The following MELTF variants were observed in gnomAD, a reference collection of about 807,000 sequenced individuals.
MELTF encodes the protein melanotransferrin.
Under a neutral mutation model 83.7 loss-of-function variants are expected in MELTF, and 67 were observed. The ratio of observed to expected loss-of-function variants is 0.80; its 90% CI spans 0.66 to 0.98. The LOEUF (loss-of-function observed/expected upper bound fraction) is 0.98, where lower values mean the gene tolerates loss of function less well. MELTF is among the 50% of genes least tolerant of loss of function. The pLI, the probability that MELTF is intolerant of heterozygous loss-of-function variation, is 0.00. For synonymous variants in MELTF, 462 were observed against 447.6 expected, an observed-to-expected ratio of 1.03 and a Z score of -0.41; for missense variants, 1,002 against 1,035.6, an observed-to-expected ratio of 0.97 and a Z score of 0.44.
chr3:197,016,306 C>T lies in MELTF; in HGVS notation c.964G>A (p.Asp322Asn). 2 of 1,612,724 alleles carry T rather than the reference C, an allele frequency of 1.2e-6. No individual in the cohort carries two copies. The highest frequency in any genetic ancestry group is 1.7e-6 in the Non-Finnish European group (2 of 1,179,238). ...MFSSEAYGQKDLLFKDSTSEL... is the reference protein window; with the variant it reads ...MFSSEAYGQKNLLFKDSTSEL... ...GAGGTAGAGTCTTTGAAGAGTAGAT[C>T]CTTCTGGCCATAGGCCTCAGAGCTG... Residue 322 changes from aspartate (D) to asparagine (N), a missense_variant, in exon 8 of 16, where the codon GAT becomes AAT. Physicochemically the swap from Asp to Asn is conservative, Grantham distance 23 (BLOSUM62 1). Transcript: ENST00000296350.
chr3:197,021,693 G>C (rs1719629528), intron 5 of MELTF, among the ~76,000 whole-genome samples: 1 of 152,314 alleles, frequency 6.6e-6, no homozygotes, highest in South Asian at 2.1e-4. Context: ...TGGGAAAGTA[G>C]CTCCCACAGG....
chr3:197,024,450 T>C lies in MELTF; in HGVS notation c.340A>G (p.Arg114Gly). ...TCAATGGTCACATGGGAGCTCCTCC[T>C]GACCACAGCCACGGCGTAATAGGAG... is the stretch of plus-strand genomic sequence containing the variant. ...GTSYYAVAVV[R>G]RSSHVTIDTL... Residue 114 changes from arginine to glycine, a missense_variant, in exon 4 of 16, where the codon AGG (arginine) becomes GGG (glycine). By Grantham distance (125) the Arg-to-Gly change is moderately radical. Coordinates refer to ENST00000296350, the MANE Select transcript of MELTF (RefSeq NM_005929.6). The surrounding 1 kb of genome is among the most constrained non-coding windows in gnomAD (Gnocchi z 5.3). The C allele has an allele frequency of 6.2e-7, 1 of 1,604,222 alleles. No individual in the cohort carries two copies. Among genetic ancestry groups the C allele is most frequent in the Non-Finnish European group, 8.5e-7 (1 of 1,173,348 alleles).
intron 2 of MELTF, chr3:197,027,160 G>A (rs1195264380): frequency 4.4e-6 from 1 of 224,932 alleles, no homozygotes; most frequent in Non-Finnish European, 9.0e-6. Context: ...GCCCTCACAT[G>A]GAGCCTGACC....
At chr3:197,018,059 G>A (rs528897970) in intron 6 of MELTF, among the ~76,000 whole-genome samples, 2 of 152,192 alleles carry the variant, frequency 1.3e-5, no homozygotes, top group South Asian at 2.1e-4. Context: ...TAGAGAGGAC[G>A]GGGGATCTCC....
rs1719750456 is a variant in MELTF at position 197,024,172 on chromosome 3, G to T, written c.487+131C>A. 2.0e-6 allele frequency: 2 copies of T among 1,014,794 alleles called. No homozygotes were observed. Among genetic ancestry groups the T allele is most frequent in the Non-Finnish European group, 2.8e-6 (2 of 709,392 alleles). The allele number at this position is 1,014,794 out of a possible 1,614,324, so 62.9% of individuals were successfully genotyped here. A position where few individuals can be genotyped will look rare whatever the true frequency, so the allele number is the denominator to read the frequency against. ...GCGGGGGAGGCACGGGGCGGGCGGG[G>T]GCTGCTGCGCCTTCCAGGAATGAAG... On this transcript the variant is annotated intron_variant, in intron 4 of 15. Transcript: ENST00000296350. This position sits in a 1 kb window ranked among gnomAD's most constrained non-coding sequence, Gnocchi z 5.3.
chr3:197,019,570 C>T (rs749045947), intron 6 of MELTF: 47 of 1,578,918 alleles, frequency 3.0e-5, no homozygotes, highest in African/African-American at 4.0e-5. Context: ...AGACCCCCAT[C>T]TCAAAAAAAA....
At position 197,006,664 on chromosome 3, in the gene MELTF, C is replaced by T. The variant is rs746548693; in HGVS notation, c.1823G>A (p.Arg608Gln). 41 of 1,600,620 alleles carry T rather than the reference C, an allele frequency of 2.6e-5. No individual in the cohort carries two copies. The highest frequency in any genetic ancestry group is 2.0e-4 in the South Asian group (18 of 88,518). ...GGCTGCAAACTGGGACACCTCGGCT[C>T]GGGCCCCGTTGGGGCACAGCAGTTC... is the stretch of plus-strand genomic sequence containing the variant. Reference protein sequence around the residue: ...DYELLCPNGARAEVSQFAACN... With the variant: ...DYELLCPNGAQAEVSQFAACN... The change falls in exon 14 of 16, where the codon CGA becomes CAA. Residue 608 changes from arginine (R) to glutamine (Q), a missense_variant. Transcript: ENST00000296350. The surrounding 1 kb of genome is among the most constrained non-coding windows in gnomAD (Gnocchi z 5.4).
Position 197,026,767 on chromosome 3 carries a change from G to T in MELTF, c.205-8C>A. ...GGCGTCAGCCTCCTGGGCCTGCAAG[G>T]AAATGTGGCTCAGCCAAGCCTGGCC... On this transcript the variant is annotated splice_polypyrimidine_tract_variant and splice_region_variant and intron_variant, in intron 2 of 15. Coordinates refer to ENST00000296350, the MANE Select transcript of MELTF (RefSeq NM_005929.6). 1 of 1,610,368 alleles carries T rather than the reference G, an allele frequency of 6.2e-7. No individual in the cohort carries two copies. The highest frequency in any genetic ancestry group is 8.5e-7 in the Non-Finnish European group (1 of 1,179,438).
chr3:197,008,570 C>T lies in MELTF; in HGVS notation c.1750+87G>A, dbSNP rs563344343. 7 of 1,443,500 alleles carry T rather than the reference C, an allele frequency of 4.8e-6. No homozygotes were observed. Among genetic ancestry groups the T allele is most frequent in the Admixed American group, 3.7e-5 (2 of 53,852 alleles). The allele number at this position is 1,443,500 out of a possible 1,614,324, so 89.4% of individuals were successfully genotyped here. On this transcript the variant is annotated intron_variant, in intron 13 of 15. Transcript: ENST00000296350. This position sits in a 1 kb window ranked among gnomAD's most constrained non-coding sequence, Gnocchi z 5.4. ...CAGCCTCTCTGAGCTGCTGCTTGGCCCCAGCCCAGCATGGTGTCTGGATGG... is the reference window on the plus strand; with the variant it reads ...CAGCCTCTCTGAGCTGCTGCTTGGCTCCAGCCCAGCATGGTGTCTGGATGG...
intron 9 of MELTF, among the ~76,000 whole-genome samples, chr3:197,012,284 T>C (rs550420754): frequency 2.8e-4 from 42 of 152,262 alleles, no homozygotes; most frequent in African/African-American, 9.1e-4. Context: ...GCTGGTGACT[T>C]TGGGCAAGTT....
Position 197,006,812 on chromosome 3 carries a change from G to A in MELTF, c.1751-76C>T. ...GTGTAAAGAGAAGCTGCTATCCTGG[G>A]ACCCCAAGGCCTTCACCACAGGGAG... On this transcript the variant is annotated intron_variant, in intron 13 of 15. Coordinates refer to ENST00000296350, the MANE Select transcript of MELTF (RefSeq NM_005929.6). This position sits in a 1 kb window ranked among gnomAD's most constrained non-coding sequence, Gnocchi z 5.4. 7.5e-7 allele frequency: 1 copy of A among 1,339,420 alleles called. No homozygotes were observed. Among genetic ancestry groups the A allele is most frequent in the Non-Finnish European group, 9.8e-7 (1 of 1,023,054 alleles). The allele number at this position is 1,339,420 out of a possible 1,614,324, so 83.0% of individuals were successfully genotyped here. A position where few individuals can be genotyped will look rare whatever the true frequency, so the allele number is the denominator to read the frequency against.
chr3:197,021,541 C>T, intron 5 of MELTF, 70 bp from the exon 6 acceptor site: 3 of 1,485,356 alleles, frequency 2.0e-6, no homozygotes, highest in Non-Finnish European at 2.8e-6. Flanking sequence ...CCTCTGGAGG[C>T]CTGGCTTGGG....
At chr3:197,010,623 A>AG (rs1719151514) in intron 10 of MELTF, 75 bp downstream of exon 10, 5 of 1,285,228 alleles carry the variant, frequency 3.9e-6, no homozygotes, top group African/African-American at 2.9e-5. Context: ...AAAATGGCTG[A>AG]GGGGGGCACT....
intron 3 of MELTF, chr3:197,026,379 C>T (rs764754596): frequency 2.0e-4 from 86 of 432,528 alleles, no homozygotes; most frequent in Middle Eastern, 6.2e-4. Context: ...CCCGGCACCA[C>T]GCCAGGCCCG....
At position 197,006,739 on chromosome 3, in the gene MELTF, G is replaced by C. The variant is rs746461071; in HGVS notation, c.1751-3C>G. ...AGCCCAGGGCTCGGAATTGTGGCCT[G>C]AGGGGGGTAAAGCAGTGTGTGTGGG... On this transcript the variant is annotated splice_polypyrimidine_tract_variant and splice_region_variant and intron_variant, in intron 13 of 15. Transcript: ENST00000296350. This position sits in a 1 kb window ranked among gnomAD's most constrained non-coding sequence, Gnocchi z 5.4. 3.3e-6 allele frequency: 5 copies of C among 1,527,234 alleles called. No individual in the cohort carries two copies. Among genetic ancestry groups the C allele is most frequent in the Non-Finnish European group, 4.4e-6 (5 of 1,139,858 alleles). 94.6% of individuals were successfully genotyped at this position (1,527,234 alleles called of 1,614,324 possible). A position where few individuals can be genotyped will look rare whatever the true frequency, so the allele number is the denominator to read the frequency against.
At position 197,017,832 on chromosome 3, in the gene MELTF, A is replaced by G. The variant is rs531671616; in HGVS notation, c.713-542T>C. Among the ~76,000 whole-genome samples, 145 of 152,220 alleles carry G rather than the reference A, an allele frequency of 9.5e-4. 2 individuals are homozygous for G. The highest frequency in any genetic ancestry group is 3.4e-3 in the Middle Eastern group (1 of 292). On this transcript the variant is annotated intron_variant, in intron 6 of 15. Transcript: ENST00000296350. ...GCGGAGCTTGCAGTGAGCCGAGATC[A>G]CGCCACTGCACTCCAGCCTGGGCGA...
Position 197,029,553 on chromosome 3 carries a change from A to C in MELTF, c.49+101T>G. The C allele has an allele frequency of 2.0e-6, 2 of 997,862 alleles. No individual in the cohort carries two copies. Among genetic ancestry groups the C allele is most frequent in the Non-Finnish European group, 2.6e-6 (2 of 774,562 alleles). 61.8% of individuals were successfully genotyped at this position (997,862 alleles called of 1,614,324 possible). A position where few individuals can be genotyped will look rare whatever the true frequency, so the allele number is the denominator to read the frequency against. On this transcript the variant is annotated intron_variant, in intron 1 of 15. Coordinates refer to ENST00000296350, the MANE Select transcript of MELTF (RefSeq NM_005929.6). This position sits in a 1 kb window ranked among gnomAD's most constrained non-coding sequence, Gnocchi z 6.5. ...TGCCTCCCCCGTCTCACTGCCCCGG[A>C]GCCGCAGGCTCAGGCACATTTCCAG...
At chr3:197,009,019 G>A (rs1719084834) in intron 11 of MELTF, 54 bp from the exon 12 acceptor site, 2 of 1,602,670 alleles carry the variant, frequency 1.2e-6, no homozygotes, top group South Asian at 2.2e-5. Flanking sequence ...AGTGTGGGAG[G>A]GAGCTGGGCG....
Position 197,006,508 on chromosome 3 carries a change from T to TA in MELTF, c.1938+40_1938+41insT, listed in dbSNP as rs572183745. 2.2e-4 allele frequency: 343 copies of TA among 1,585,628 alleles called. 2 individuals carry two copies. The African/African-American group carries it at 3.9e-3, about 18-fold the overall frequency. On this transcript the variant is annotated intron_variant, in intron 14 of 15. Coordinates refer to ENST00000296350, the MANE Select transcript of MELTF (RefSeq NM_005929.6). The surrounding 1 kb of genome is among the most constrained non-coding windows in gnomAD (Gnocchi z 5.4). ...GCCTCCCAGGGGCTCAGCTTACCTC[T>TA]GCTGCACACCCCTCAATGAGGTAGC... is the stretch of plus-strand genomic sequence containing the variant.
Sources: allele counts gnomAD v4.1 joint callset (sites outside exome capture counted in the v4.1 genomes callset), GRCh38; gene constraint gnomAD v4.1.1; non-coding constraint Gnocchi (gnomAD v3.1); transcripts MANE v1.5; gene names NCBI Gene and HGNC (gene_info 2026-07-23, HGNC 2026-07-21).